The following DYM variants were observed in gnomAD, a reference collection of about 807,000 sequenced individuals.
DYM encodes the protein dymeclin, also known as dyggve-Melchior-Clausen syndrome protein.
DYM carries 78 observed loss-of-function variants against 93.1 expected under a neutral mutation model. The observed-to-expected ratio is 0.84, with a 90% CI of 0.70 to 1.01. The LOEUF is 1.01. DYM is among the 50% of genes least tolerant of loss of function. DYM has a pLI of 0.00. For synonymous variants in DYM, 321 were observed against 319.7 expected (o/e 1.00, Z -0.04); for missense variants, 789 against 845.0 (o/e 0.93, Z 0.82).
At chr18:49,418,306 T>C (rs1415116973) in intron 2 of DYM, among the ~76,000 whole-genome samples, 1 of 152,144 alleles carries the variant, frequency 6.6e-6, no homozygotes, top group African/African-American at 2.4e-5. Flanking sequence ...GTTGCTATTA[T>C]GTAGTTTAGA....
chr18:49,263,427 T>G (rs1488241171), intron 11 of DYM, among the ~76,000 whole-genome samples: 9 of 149,564 alleles, frequency 6.0e-5, no homozygotes, highest in Non-Finnish European at 8.9e-5. Context: ...CTTGAATATC[T>G]TCTTTTAAAA....
At chr18:49,285,616 G>T (rs1299831656) in intron 9 of DYM, among the ~76,000 whole-genome samples, 1 of 152,222 alleles carries the variant, frequency 6.6e-6, no homozygotes, top group East Asian at 1.9e-4. Flanking sequence ...AGGAGCAATA[G>T]GCTACACCAC....
At chr18:49,308,025 C>A (rs2061371311) in intron 8 of DYM, among the ~76,000 whole-genome samples, 1 of 152,024 alleles carries the variant, frequency 6.6e-6, no homozygotes, top group Non-Finnish European at 1.5e-5. Flanking sequence ...CATAATGTAC[C>A]CTTAATATTC....
rs1397562553 is a variant in DYM at position 49,036,812 on chromosome 18, C to T, written c.*7243G>A. Among the ~76,000 whole-genome samples, 4 of 152,156 alleles carry T rather than the reference C, an allele frequency of 2.6e-5. No homozygotes were observed. Among genetic ancestry groups the T allele is most frequent in the Non-Finnish European group, 5.9e-5 (4 of 68,026 alleles). The stretch of plus-strand genomic sequence containing the variant: ...TAAATGTCTGCATAATCTGAAGTAA[C>T]TTACCTGTTTTCCTTTCTGATATTG... On this transcript the variant is annotated 3_prime_UTR_variant, in exon 18 of 18. Transcript: ENST00000675505.
chr18:49,148,775 C>G (rs1600146955), intron 15 of DYM, among the ~76,000 whole-genome samples: 1 of 152,202 alleles, frequency 6.6e-6, no homozygotes, highest in Middle Eastern at 3.4e-3. Context: ...AGCCCCATTA[C>G]CTTGTTAGGG....
At chr18:49,146,184 A>C (rs922408927) in intron 15 of DYM, among the ~76,000 whole-genome samples, 2 of 152,156 alleles carry the variant, frequency 1.3e-5, no homozygotes, top group East Asian at 1.9e-4. Flanking sequence ...CACACACACA[A>C]AAAACCACAT....
chr18:49,066,689 C>A (rs576981781), intron 17 of DYM, among the ~76,000 whole-genome samples: 1 of 152,272 alleles, frequency 6.6e-6, no homozygotes, highest in South Asian at 2.1e-4. Context: ...AAACTGGTTT[C>A]CAAAGTATCT....
chr18:49,144,159 T>C (rs2144532434), intron 15 of DYM, among the ~76,000 whole-genome samples: 1 of 152,264 alleles, frequency 6.6e-6, no homozygotes, highest in East Asian at 1.9e-4. Flanking sequence ...TCTCCTTTCT[T>C]ATTGCAATTT....
intron 13 of DYM, among the ~76,000 whole-genome samples, chr18:49,245,089 C>T (rs943577985): frequency 4.6e-5 from 7 of 152,294 alleles, no homozygotes; most frequent in Admixed American, 2.6e-4. Context: ...GTGAAGATTT[C>T]ATGGACATTT....
chr18:49,355,232 G>T (rs1444333972), intron 6 of DYM, among the ~76,000 whole-genome samples: 1 of 151,656 alleles, frequency 6.6e-6, no homozygotes, highest in African/African-American at 2.4e-5. Flanking sequence ...TAGATACATT[G>T]ATAGATGTAT....
intron 9 of DYM, among the ~76,000 whole-genome samples, chr18:49,284,270 C>T (rs1218142570): frequency 6.6e-6 from 1 of 152,160 alleles, no homozygotes; most frequent in East Asian, 1.9e-4. Flanking sequence ...CCTTATTTAA[C>T]CCATACATCA....
intron 14 of DYM, 133 bp downstream of exon 14, chr18:49,209,418 A>C (rs559493505): frequency 1.7e-6 from 1 of 603,000 alleles, no homozygotes; most frequent in South Asian, 3.0e-5. Flanking sequence ...TATTTTAAAA[A>C]AATTATTTAG....
At chr18:49,304,871 A>G (rs2061179792) in intron 8 of DYM, among the ~76,000 whole-genome samples, 1 of 152,062 alleles carries the variant, frequency 6.6e-6, no homozygotes, top group South Asian at 2.1e-4. Flanking sequence ...ACAGCCTCTA[A>G]GTCCTTGATC....
chr18:49,164,336 AC>A (rs1568526520), intron 14 of DYM, among the ~76,000 whole-genome samples: 2 of 152,068 alleles, frequency 1.3e-5, no homozygotes, highest in African/African-American at 4.8e-5. Flanking sequence ...CTAACTGAAA[AC>A]TAAAAAAAAA....
intron 17 of DYM, among the ~76,000 whole-genome samples, chr18:49,078,124 G>A (rs1336960246): frequency 1.3e-5 from 2 of 152,014 alleles, no homozygotes; most frequent in South Asian, 2.1e-4. Flanking sequence ...TACAGTGGTT[G>A]CCCTAGAGAT....
At chr18:49,273,604 T>C (rs768627521) in intron 10 of DYM, among the ~76,000 whole-genome samples, 14 of 152,138 alleles carry the variant, frequency 9.2e-5, no homozygotes, top group Non-Finnish European at 1.6e-4. Context: ...GTGTTACAAG[T>C]GCCTGCAGTA....
At chr18:49,355,121 C>A (rs1003181840) in intron 6 of DYM, among the ~76,000 whole-genome samples, 1 of 151,714 alleles carries the variant, frequency 6.6e-6, no homozygotes, top group African/African-American at 2.4e-5. Flanking sequence ...CATACTTTAA[C>A]CATCATCCTT....
chr18:49,151,296 G>A (rs1277759662), intron 15 of DYM, among the ~76,000 whole-genome samples: 10 of 152,134 alleles, frequency 6.6e-5, no homozygotes, highest in Non-Finnish European at 1.5e-5. Flanking sequence ...TCATGAATTT[G>A]TCAGAAATCC....
At chr18:49,402,038 A>G (rs2070905996) in intron 2 of DYM, among the ~76,000 whole-genome samples, 1 of 152,018 alleles carries the variant, frequency 6.6e-6, no homozygotes, top group Non-Finnish European at 1.5e-5. Flanking sequence ...AAAAAAAAAA[A>G]AAAGAAAAAA....
Sources: allele counts gnomAD v4.1 joint callset (sites outside exome capture counted in the v4.1 genomes callset), GRCh38; gene constraint gnomAD v4.1.1; transcripts MANE v1.5; gene names NCBI Gene and HGNC (gene_info 2026-07-23, HGNC 2026-07-21).